The following FSIP2 variants were observed in gnomAD, a reference collection of about 807,000 sequenced individuals.
The protein encoded by FSIP2 is fibrous sheath interacting protein 2.
In FSIP2, 367 loss-of-function variants were observed where a neutral mutation model predicts 510.5. That is an observed-to-expected ratio of 0.72 (90% CI 0.66 to 0.78). FSIP2 has a LOEUF of 0.78. Ranked by LOEUF, FSIP2 falls within the 30% of genes least tolerant of loss-of-function variation. The pLI is 0.00. For synonymous variants in FSIP2, 2,601 were observed against 2,732.2 expected (o/e 0.95, Z 1.50); for missense variants, 7,594 against 7,901.7 (o/e 0.96, Z 1.48).
chr2:185,760,897 A>G, intron 9 of FSIP2, 91 bp from the exon 10 acceptor site: 4 of 504,934 alleles, frequency 7.9e-6, no homozygotes, highest in Non-Finnish European at 1.0e-5. Flanking sequence ...TAAATAATTA[A>G]ATAGATACAA....
In FSIP2 at chr2:185,805,177, C is replaced by T. The variant is rs191172891; in HGVS notation, c.15871C>T (p.Leu5291Phe). 3.8e-5 allele frequency: 61 copies of T among 1,609,886 alleles called. No homozygotes were observed. In the East Asian group the frequency reaches 9.2e-4, roughly 24 times the overall value. ...TGACCTTGTTCACAAATTTTGTTCTCTCCTCATTATTACTGAAGATTCTAA... is the reference window on the plus strand; with the variant it reads ...TGACCTTGTTCACAAATTTTGTTCTTTCCTCATTATTACTGAAGATTCTAA... ...IIDLVHKFCS[L>F]LIITEDSKKN... Residue 5291 changes from leucine (L) to phenylalanine (F), a missense_variant, in exon 17 of 23, where the codon CTC (leucine) becomes TTC (phenylalanine). Transcript: ENST00000424728.
At chr2:185,760,662 G>T (rs1692332020) in intron 9 of FSIP2, among the ~76,000 whole-genome samples, 1 of 150,396 alleles carries the variant, frequency 6.6e-6, no homozygotes, top group African/African-American at 2.4e-5. Flanking sequence ...CAATACCATT[G>T]ATACATGCAA....
chr2:185,802,417 G>T lies in FSIP2; in HGVS notation c.13111G>T (p.Asp4371Tyr), dbSNP rs1197395977. ...CTTTTCTTTCAATACAGATATTGTG[G>T]ATGAACTTGCCACCTCAGTTTATAG... ...AFFSFNTDIVDELATSVYRNA... is the reference protein window; with the variant it reads ...AFFSFNTDIVYELATSVYRNA... Residue 4371 changes from aspartate to tyrosine, a missense_variant, in exon 17 of 23, where the codon GAT (aspartate) becomes TAT (tyrosine). Physicochemically the swap from Asp to Tyr is radical, Grantham distance 160. Coordinates refer to ENST00000424728, the MANE Select transcript of FSIP2 (RefSeq NM_173651.4). 6.5e-7 allele frequency: 1 copy of T among 1,533,770 alleles called. No homozygotes were observed. The highest frequency in any genetic ancestry group is 2.4e-5 in the East Asian group (1 of 40,834).
At position 185,790,046 on chromosome 2, in the gene FSIP2, A is replaced by AAAG; in HGVS notation, c.2911_2913dup (p.Lys971dup). The AAAG allele has an allele frequency of 6.5e-7, 1 of 1,533,708 alleles. No homozygotes were observed. The highest frequency in any genetic ancestry group is 8.7e-7 in the Non-Finnish European group (1 of 1,145,402). ...TAAGTAGTCCTTCTGACACCAAAGA[A>AAAG]AAGTACAGACTCACTGGCACTAGAT... is the stretch of plus-strand genomic sequence containing the variant. On this transcript the variant is annotated inframe_insertion, in exon 16 of 23. Transcript: ENST00000424728.
Position 185,738,908 on chromosome 2 carries a change from TCGG to T in FSIP2, c.17_19del (p.Gly6del). ...GCTGTGCCGGCCATGGAGCTGTACC[TCGG>T]CGCCTGCTCCAAGCCTGCCAAAGTC... is the stretch of plus-strand genomic sequence containing the variant. On this transcript the variant is annotated inframe_deletion, in exon 1 of 23. Coordinates refer to ENST00000424728, the MANE Select transcript of FSIP2 (RefSeq NM_173651.4). The T allele has an allele frequency of 6.5e-7, 1 of 1,535,052 alleles. No individual in the cohort carries two copies. Among genetic ancestry groups the T allele is most frequent in the Non-Finnish European group, 8.7e-7 (1 of 1,146,704 alleles).
Position 185,813,642 on chromosome 2 carries a change from G to T in FSIP2, c.19925G>T (p.Arg6642Leu), listed in dbSNP as rs773551789. The T allele has an allele frequency of 1.3e-6, 2 of 1,599,142 alleles. No individual in the cohort carries two copies. ...DVQSKNDLIV[R>L]LVAHDIDQVY... ...CAAAGTAAAAATGATCTTATTGTTCGATTAGTAGCTCATGATATTGATCAA... is the reference window on the plus strand; with the variant it reads ...CAAAGTAAAAATGATCTTATTGTTCTATTAGTAGCTCATGATATTGATCAA... Residue 6642 changes from arginine (R) to leucine (L), a missense_variant, in exon 18 of 23, where the codon CGA (arginine) becomes CTA (leucine). Coordinates refer to ENST00000424728, the MANE Select transcript of FSIP2 (RefSeq NM_173651.4).
chr2:185,800,455 A>G lies in FSIP2; in HGVS notation c.11149A>G (p.Met3717Val). ...ACCAGATGAATGCCTAGATACGGGT[A>G]TGGATTCTGGTAAAATACAAAGAAC... ...FSPDECLDTGMDSGKIQRTYF... is the reference protein window; with the variant it reads ...FSPDECLDTGVDSGKIQRTYF... The change falls in exon 17 of 23, where the codon ATG becomes GTG. Residue 3717 changes from methionine to valine, a missense_variant. Met to Val is a conservative substitution (Grantham distance 21). Coordinates refer to ENST00000424728, the MANE Select transcript of FSIP2 (RefSeq NM_173651.4). The G allele has an allele frequency of 6.5e-7, 1 of 1,531,992 alleles. No homozygotes were observed. The highest frequency in any genetic ancestry group is 8.7e-7 in the Non-Finnish European group (1 of 1,144,374). The allele number at this position is 1,531,992 out of a possible 1,614,324, so 94.9% of individuals were successfully genotyped here.
intron 17 of FSIP2, among the ~76,000 whole-genome samples, chr2:185,812,221 G>A (rs1352467895): frequency 6.6e-6 from 1 of 152,058 alleles, no homozygotes; most frequent in Non-Finnish European, 1.5e-5. Context: ...GGCCTTGAGA[G>A]CCCCACCCCT....
rs1348636729 is a variant in FSIP2, at chr2:185,808,940, C to A, written c.19634C>A (p.Ser6545Tyr). The A allele has an allele frequency of 2.5e-6, 4 of 1,607,490 alleles. No individual in the cohort carries two copies. The highest frequency in any genetic ancestry group is 3.4e-6 in the Non-Finnish European group (4 of 1,178,212). ...ATTTCAGAACACTTAGCAGTTATTT[C>A]TATAAAAACTCAACCTCTTGAGAAA... The part of the protein sequence containing the change: ...KIISEHLAVI[S>Y]IKTQPLEKLK... Residue 6545 changes from serine to tyrosine, a missense_variant, in exon 17 of 23, where the codon TCT (serine) becomes TAT (tyrosine). Physicochemically the swap from Ser to Tyr is moderately radical, Grantham distance 144 (BLOSUM62 -2). Coordinates refer to ENST00000424728, the MANE Select transcript of FSIP2 (RefSeq NM_173651.4).
rs752196195 is a variant in FSIP2, at chr2:185,807,762, G to A, written c.18456G>A (p.Lys6152=). 3.7e-6 allele frequency: 6 copies of A among 1,612,188 alleles called. No individual in the cohort carries two copies. The East Asian group carries it at 1.3e-4, about 36-fold the overall frequency. ...TGGAAGTTGAAAACATCGTTGAAAA[G>A]ATCCTTAAAGATGTTTTCCAAACTA... The part of the protein sequence containing the change: ...QCVEVENIVE[K]ILKDVFQTTD... Residue 6152 remains lysine (K), a synonymous_variant, in exon 17 of 23, where the codon AAG becomes AAA. Transcript: ENST00000424728.
chr2:185,800,684 T>G lies in FSIP2; in HGVS notation c.11378T>G (p.Met3793Arg). ...GCAGAAGAATGTCAACTTTTAAAAA[T>G]GCTTCAAAGTGTAGAAGATGGAAAA... ...TSAEECQLLK[M>R]LQSVEDGKSD... is the part of the protein sequence containing the mutation. The change falls in exon 17 of 23, where the codon ATG becomes AGG. Residue 3793 changes from methionine (M) to arginine (R), a missense_variant. Transcript: ENST00000424728. 1 of 1,534,150 alleles carries G rather than the reference T, an allele frequency of 6.5e-7. No homozygotes were observed. The highest frequency in any genetic ancestry group is 1.2e-5 in the South Asian group (1 of 83,956).
chr2:185,756,776 C>T (rs1270200575), intron 9 of FSIP2, among the ~76,000 whole-genome samples: 1 of 151,198 alleles, frequency 6.6e-6, no homozygotes, highest in Admixed American at 6.6e-5. Context: ...AAAAATATTA[C>T]CAGAGTATGA....
chr2:185,758,605 T>C (rs1194412300), intron 9 of FSIP2, among the ~76,000 whole-genome samples: 3 of 151,138 alleles, frequency 2.0e-5, no homozygotes, highest in African/African-American at 7.3e-5. Flanking sequence ...CTTCATGTTG[T>C]AACACCTCTG....
At chr2:185,738,480 A>T (rs1691832008), upstream of FSIP2, 4 of 853,550 alleles carry the variant, frequency 4.7e-6, no homozygotes, top group East Asian at 1.1e-4. Flanking sequence ...ATGGGGGAAG[A>T]TGTAGAATGG....
At chr2:185,759,528 T>A (rs1298548082) in intron 9 of FSIP2, among the ~76,000 whole-genome samples, 1 of 144,290 alleles carries the variant, frequency 6.9e-6, no homozygotes. Context: ...TATAAGATAA[T>A]TAACTTTTTT....
intron 20 of FSIP2, among the ~76,000 whole-genome samples, chr2:185,825,159 G>GAT (rs1415431537): frequency 6.6e-6 from 1 of 151,778 alleles, no homozygotes; most frequent in Non-Finnish European, 1.5e-5. Context: ...CAATTTGAGA[G>GAT]TGAAAATCAT....
rs1301443194 is a variant in FSIP2, at chr2:185,792,955, T to C, written c.5819T>C (p.Phe1940Ser). The C allele has an allele frequency of 1.3e-6, 2 of 1,534,250 alleles. No individual in the cohort carries two copies. The highest frequency in any genetic ancestry group is 2.7e-5 in the African/African-American group (2 of 72,890). The stretch of plus-strand genomic sequence containing the variant: ...GCTACTTCCAAAGTAAAATCTCTCT[T>C]TTATTCTCAAGTCAACTTTACAGTT... ...TFATSKVKSL[F>S]YSQVNFTVPV... is the part of the protein sequence containing the mutation. The change falls in exon 16 of 23, where the codon TTT becomes TCT. Residue 1940 changes from phenylalanine to serine, a missense_variant. Phe to Ser is a radical substitution (Grantham distance 155). Coordinates refer to ENST00000424728, the MANE Select transcript of FSIP2 (RefSeq NM_173651.4).
chr2:185,808,851 G>C lies in FSIP2; in HGVS notation c.19545G>C (p.Glu6515Asp), dbSNP rs1693659280. The C allele has an allele frequency of 1.2e-6, 2 of 1,611,700 alleles. No individual in the cohort carries two copies. Among genetic ancestry groups the C allele is most frequent in the Non-Finnish European group, 1.7e-6 (2 of 1,179,046 alleles). Residue 6515 changes from glutamate (E) to aspartate (D), a missense_variant, in exon 17 of 23, where the codon GAG becomes GAC. Physicochemically the swap from Glu to Asp is conservative, Grantham distance 45. Transcript: ENST00000424728. ...QEKLDQNLSE[E>D]ESPIKIVPHV... is the part of the protein sequence containing the mutation. Reference sequence around the variant, plus strand: ...AGTTAGATCAAAATTTATCTGAAGAGGAATCTCCAATTAAAATAGTTCCAC... The same window carrying C: ...AGTTAGATCAAAATTTATCTGAAGACGAATCTCCAATTAAAATAGTTCCAC...
intron 4 of FSIP2, chr2:185,745,087 C>G (rs562518862): frequency 6.3e-6 from 1 of 159,176 alleles, no homozygotes; most frequent in East Asian, 1.8e-4. Context: ...TATGTCCTAA[C>G]AATAAAAGGG....
Sources: allele counts gnomAD v4.1 joint callset (sites outside exome capture counted in the v4.1 genomes callset), GRCh38; gene constraint gnomAD v4.1.1; transcripts MANE v1.5; gene names NCBI Gene and HGNC (gene_info 2026-07-23, HGNC 2026-07-21).